Variants in MICU3 observed in about 807,000 individuals in gnomAD.
The protein encoded by MICU3 is calcium uptake protein 3, mitochondrial.
MICU3 carries 62 observed loss-of-function variants against 66.5 expected under a neutral mutation model. The ratio of observed to expected loss-of-function variants is 0.93; its 90% CI spans 0.76 to 1.15. MICU3 has a LOEUF of 1.15. Among genes scored for constraint, MICU3 ranks in the 50% most tolerant of loss-of-function variants. MICU3 has a pLI of 0.00. For missense variants in MICU3, 779 were observed against 664.4 expected (o/e 1.17, Z -1.90); for synonymous variants, 308 against 240.7 (o/e 1.28, Z -2.59).
Position 17,116,585 on chromosome 8 carries a change from C to G in MICU3, c.1509C>G (p.Leu503=). 1.3e-6 allele frequency: 2 copies of G among 1,560,176 alleles called. No homozygotes were observed. Among genetic ancestry groups the G allele is most frequent in the Non-Finnish European group, 1.7e-6 (2 of 1,161,880 alleles). The change falls in exon 13 of 15, where the codon CTC becomes CTG. Residue 503 remains leucine (L), a synonymous_variant. Transcript: ENST00000318063. ...KEFIGIMKDR[L]HRGFRGYKTV... ...TTATTGGAATTATGAAAGACAGACTCCATAGAGGATTCCGGGTAAACCTAC... is the reference window on the plus strand; with the variant it reads ...TTATTGGAATTATGAAAGACAGACTGCATAGAGGATTCCGGGTAAACCTAC...
chr8:17,035,431 G>A lies in MICU3; in HGVS notation c.381+7771G>A, dbSNP rs918757340. Among the ~76,000 whole-genome samples, 5 of 152,318 alleles carry A rather than the reference G, an allele frequency of 3.3e-5. No homozygotes were observed. In the East Asian group the frequency reaches 7.7e-4, roughly 24 times the overall value. On this transcript the variant is annotated intron_variant, in intron 1 of 14. Transcript: ENST00000318063. ...GGAACTTCCTACAGACTTGTTGAAT[G>A]GCTTTGACCAAAATGCTGATAGTGA...
chr8:17,031,132 C>G (rs1156530603), intron 1 of MICU3, among the ~76,000 whole-genome samples: 1 of 151,912 alleles, frequency 6.6e-6, no homozygotes, highest in African/African-American at 2.4e-5. Context: ...ATAGGAGGAT[C>G]ATGTGAGACC....
At chr8:17,118,563 C>T (rs976929246) in intron 13 of MICU3, 144 bp from the exon 14 acceptor site, 2 of 467,864 alleles carry the variant, frequency 4.3e-6, no homozygotes, top group East Asian at 6.5e-5. Context: ...CTTTCCTCCC[C>T]AGTCCCCCAG....
intron 7 of MICU3, among the ~76,000 whole-genome samples, chr8:17,087,612 A>G (rs915317000): frequency 1.6e-4 from 24 of 152,196 alleles, no homozygotes; most frequent in Middle Eastern, 6.8e-3. Flanking sequence ...AATAAAAATA[A>G]CAAACAGGTA....
intron 1 of MICU3, among the ~76,000 whole-genome samples, chr8:17,063,014 G>A (rs768835212): frequency 1.6e-4 from 25 of 152,092 alleles, no homozygotes; most frequent in Non-Finnish European, 2.8e-4. Flanking sequence ...AATTGTTTAT[G>A]TTATACTATA....
intron 2 of MICU3, among the ~76,000 whole-genome samples, chr8:17,066,955 T>A (rs1406695015): frequency 2.0e-5 from 3 of 152,166 alleles, no homozygotes; most frequent in Non-Finnish European, 2.9e-5. Context: ...GAAATAACTT[T>A]TGTGGTGATT....
chr8:17,093,870 G>A lies in MICU3; in HGVS notation c.888+3286G>A, dbSNP rs796813710. Reference sequence around the variant, plus strand: ...TCCCTGATTTTTAAAATATATTTTAGTTCAGAAATTTTCTATAATTAAAAC... The same window carrying A: ...TCCCTGATTTTTAAAATATATTTTAATTCAGAAATTTTCTATAATTAAAAC... On this transcript the variant is annotated intron_variant, in intron 8 of 14. Transcript: ENST00000318063. Among the ~76,000 whole-genome samples, 5 of 151,706 alleles carry A rather than the reference G, an allele frequency of 3.3e-5. No individual in the cohort carries two copies. In the South Asian group the frequency reaches 8.3e-4, roughly 25 times the overall value.
At chr8:17,069,984 A>T (rs1265665191) in intron 3 of MICU3, among the ~76,000 whole-genome samples, 1 of 152,048 alleles carries the variant, frequency 6.6e-6, no homozygotes, top group South Asian at 2.1e-4. Flanking sequence ...ACAATTTGGC[A>T]TTATCTACTA....
chr8:17,071,192 A>C (rs1457988700), intron 3 of MICU3, among the ~76,000 whole-genome samples: 1 of 152,152 alleles, frequency 6.6e-6, no homozygotes, highest in Non-Finnish European at 1.5e-5. Flanking sequence ...TTTTACTGGA[A>C]GTCTGGGCTA....
chr8:17,040,356 A>G (rs1207645479), intron 1 of MICU3, among the ~76,000 whole-genome samples: 1 of 152,234 alleles, frequency 6.6e-6, no homozygotes, highest in Non-Finnish European at 1.5e-5. Flanking sequence ...CCAGAAATAA[A>G]TTACAATTTT....
At chr8:17,050,786 C>T (rs1402542337) in intron 1 of MICU3, among the ~76,000 whole-genome samples, 1 of 152,140 alleles carries the variant, frequency 6.6e-6, no homozygotes, top group Non-Finnish European at 1.5e-5. Flanking sequence ...TAATGTTTAA[C>T]AGTGACTCTT....
At chr8:17,105,199 G>T (rs574338045) in intron 10 of MICU3, among the ~76,000 whole-genome samples, 7 of 151,838 alleles carry the variant, frequency 4.6e-5, no homozygotes, top group Non-Finnish European at 1.0e-4. Flanking sequence ...CCCCTGAAAG[G>T]CTAGGTTATT....
intron 3 of MICU3, among the ~76,000 whole-genome samples, chr8:17,074,437 A>G (rs1310670799): frequency 6.6e-6 from 1 of 152,182 alleles, no homozygotes; most frequent in Non-Finnish European, 1.5e-5. Flanking sequence ...AAAATGAAGA[A>G]TATTTGACAG....
At chr8:17,069,623 G>C in intron 2 of MICU3, 65 bp from the exon 3 acceptor site, 1 of 1,045,320 alleles carries the variant, frequency 9.6e-7, no homozygotes, top group Non-Finnish European at 1.4e-6. Context: ...TAGATGGTTA[G>C]CAAATATGGA....
chr8:17,046,406 A>T (rs1254748211), intron 1 of MICU3, among the ~76,000 whole-genome samples: 1 of 152,214 alleles, frequency 6.6e-6, no homozygotes. Context: ...GAGGAAAAAC[A>T]TGGTTTAAGC....
rs541770948 is a variant in MICU3 at position 17,102,990 on chromosome 8, C to T, written c.985-1401C>T. ...CTTAAATGTGAATAGAATATTTAGT[C>T]GATTACTAAAGAATGTCAACAATTT... On this transcript the variant is annotated intron_variant, in intron 9 of 14. Coordinates refer to ENST00000318063, the MANE Select transcript of MICU3 (RefSeq NM_181723.3). Among the ~76,000 whole-genome samples the T allele has an allele frequency of 3.9e-4, 59 of 151,928 alleles. 1 individual carries two copies. Among genetic ancestry groups the T allele is most frequent in the South Asian group, 3.5e-3 (17 of 4,816 alleles).
chr8:17,036,724 C>T (rs1029312683), intron 1 of MICU3, among the ~76,000 whole-genome samples: 5 of 152,234 alleles, frequency 3.3e-5, no homozygotes, highest in Non-Finnish European at 5.9e-5. Context: ...CTCCACGTCC[C>T]CACCAGACTC....
At chr8:17,109,808 C>T (rs1319256172) in intron 11 of MICU3, among the ~76,000 whole-genome samples, 1 of 151,804 alleles carries the variant, frequency 6.6e-6, no homozygotes, top group Admixed American at 6.6e-5. Context: ...TAGATAGTGA[C>T]CAGAAGGGAT....
intron 1 of MICU3, among the ~76,000 whole-genome samples, chr8:17,054,789 A>G (rs1462127973): frequency 7.7e-6 from 1 of 129,134 alleles, no homozygotes; most frequent in African/African-American, 3.0e-5. Flanking sequence ...GCCAGGCTGG[A>G]GTGCAGTGGC....
Sources: gnomAD v4.1 joint callset for allele counts (sites outside exome capture counted in the v4.1 genomes callset) on GRCh38, gnomAD v4.1.1 for gene constraint, MANE v1.5 for transcripts, NCBI Gene and HGNC (gene_info 2026-07-23, HGNC 2026-07-21) for gene names.